The following TRARG1 variants were observed in gnomAD, a reference collection of about 807,000 sequenced individuals.
The protein encoded by TRARG1 is trafficking regulator of GLUT4 (SLC2A4) 1 (gene/pseudogene).
A neutral mutation model predicts 13.3 loss-of-function variants in TRARG1; 16 were observed. That is an observed-to-expected ratio of 1.20 (90% CI 0.81 to 1.83). The LOEUF is 1.83. Ranked by LOEUF, TRARG1 falls within the 40% of genes most tolerant of loss-of-function variation. The probability of loss-of-function intolerance (pLI) is 0.00; values close to 1 mark genes in which losing one functional copy is unlikely to be tolerated. For synonymous variants in TRARG1, 113 were observed against 106.2 expected, an observed-to-expected ratio of 1.06 and a Z score of -0.39; for missense variants, 250 against 237.4, an observed-to-expected ratio of 1.05 and a Z score of -0.35.
intron 1 of TRARG1, among the ~76,000 whole-genome samples, chr17:1,282,924 A>G (rs974402618): frequency 6.6e-6 from 1 of 151,600 alleles, no homozygotes; most frequent in East Asian, 1.9e-4. Flanking sequence ...TCCTGATCTC[A>G]GGTGATCCTC....
chr17:1,298,194 C>T (rs1227600604), intron 2 of TRARG1, 57 bp from the exon 3 acceptor site: 6 of 1,611,036 alleles, frequency 3.7e-6, no homozygotes, highest in African/African-American at 1.3e-5. Flanking sequence ...CAGTCAGGGA[C>T]TTGAAGAGCC....
At chr17:1,281,653 C>T (rs2071973232) in intron 1 of TRARG1, among the ~76,000 whole-genome samples, 2 of 152,134 alleles carry the variant, frequency 1.3e-5, no homozygotes, top group South Asian at 4.1e-4. Flanking sequence ...GCCTGCTGTA[C>T]CTGGGGACCG....
chr17:1,295,642 G>T lies in TRARG1; in HGVS notation c.520+19G>T, dbSNP rs780550240. ...TTCACAGGTGAGACCCAGCTCCTTGGAGAGGAGGAAGCCAGCTTGCCTGGT... is the reference window on the plus strand; with the variant it reads ...TTCACAGGTGAGACCCAGCTCCTTGTAGAGGAGGAAGCCAGCTTGCCTGGT... On this transcript the variant is annotated intron_variant, in intron 2 of 2. Coordinates refer to ENST00000333813, the MANE Select transcript of TRARG1 (RefSeq NM_172367.3). 1.2e-6 allele frequency: 2 copies of T among 1,602,766 alleles called. No individual in the cohort carries two copies. Among genetic ancestry groups the T allele is most frequent in the Admixed American group, 1.7e-5 (1 of 58,640 alleles).
rs55792385 is a variant in TRARG1, at chr17:1,293,283, C to CAAAAAA, written c.388-2193_388-2188dup. Among the ~76,000 whole-genome samples, 368 of 77,176 alleles carry CAAAAAA rather than the reference C, an allele frequency of 4.8e-3. 9 individuals carry two copies. The highest frequency in any genetic ancestry group is 0.019 in the African/African-American group (352 of 19,024). The allele number at this position is 77,176 out of a possible 152,430, so 50.6% of individuals were successfully genotyped here. A position where few individuals can be genotyped will look rare whatever the true frequency, so the allele number is the denominator to read the frequency against. ...TGGGCGACAGAGCAAGACTCTGTCTCAAAAAAAAAAAAAAAAAAAAGATAG... is the reference window on the plus strand; with the variant it reads ...TGGGCGACAGAGCAAGACTCTGTCTCAAAAAAAAAAAAAAAAAAAAAAAAAAGATAG... On this transcript the variant is annotated intron_variant, in intron 1 of 2. Coordinates refer to ENST00000333813, the MANE Select transcript of TRARG1 (RefSeq NM_172367.3).
At chr17:1,285,524 G>A in intron 1 of TRARG1, among the ~76,000 whole-genome samples, 1 of 151,964 alleles carries the variant, frequency 6.6e-6, no homozygotes, top group East Asian at 1.9e-4. Flanking sequence ...GGCCAACATG[G>A]TGAAACCTCA....
At chr17:1,295,878 C>T (rs1018208540) in intron 2 of TRARG1, among the ~76,000 whole-genome samples, 2 of 152,212 alleles carry the variant, frequency 1.3e-5, no homozygotes, top group Admixed American at 6.5e-5. Flanking sequence ...TGCACAGCCT[C>T]GGAGTCAGAG....
chr17:1,295,662 C>A, intron 2 of TRARG1, 39 bp downstream of exon 2: 3 of 1,589,554 alleles, frequency 1.9e-6, no homozygotes, highest in Non-Finnish European at 2.6e-6. Context: ...AGCCAGCTTG[C>A]CTGGTGTGAG....
intron 1 of TRARG1, among the ~76,000 whole-genome samples, chr17:1,287,697 G>C (rs1181725135): frequency 6.6e-6 from 1 of 151,730 alleles, no homozygotes; most frequent in African/African-American, 2.4e-5. Context: ...CTGTCACCCA[G>C]GCTGGAGTGC....
chr17:1,280,526 C>T (rs2071965954), intron 1 of TRARG1, 138 bp downstream of exon 1: 1 of 956,822 alleles, frequency 1.0e-6, no homozygotes, highest in Admixed American at 2.4e-5. Context: ...AGACTCCTTT[C>T]CTCACTGGCC....
At chr17:1,282,010 A>G (rs549456121) in intron 1 of TRARG1, among the ~76,000 whole-genome samples, 11 of 149,258 alleles carry the variant, frequency 7.4e-5, no homozygotes, top group East Asian at 3.9e-4. Flanking sequence ...ATATACACAT[A>G]TGTACATATA....
chr17:1,281,171 TTGGG>T, intron 1 of TRARG1, among the ~76,000 whole-genome samples: 1 of 152,292 alleles, frequency 6.6e-6, no homozygotes, highest in Non-Finnish European at 1.5e-5. Context: ...CCCAAGCCCT[TTGGG>T]TAGAGCTACT....
At chr17:1,282,276 G>A (rs62090201) in intron 1 of TRARG1, among the ~76,000 whole-genome samples, 43 of 68,492 alleles carry the variant, frequency 6.3e-4, no homozygotes, top group African/African-American at 2.9e-3. Context: ...ATATATGCAC[G>A]TATATGTACA....
Position 1,281,983 on chromosome 17 carries a change from TATGTAC to T in TRARG1, c.387+1598_387+1603del, listed in dbSNP as rs1165909129. ...GTACATATATGCACACGTGTACATATATGTACATATATACAGATATACACATATGTA... is the reference window on the plus strand; with the variant it reads ...GTACATATATGCACACGTGTACATATATATATACAGATATACACATATGTA... On this transcript the variant is annotated intron_variant, in intron 1 of 2. Coordinates refer to ENST00000333813, the MANE Select transcript of TRARG1 (RefSeq NM_172367.3). 9.4e-5 allele frequency among the ~76,000 whole-genome samples: 14 copies of T among 149,102 alleles called. No homozygotes were observed. The South Asian group carries it at 1.1e-3, about 12-fold the overall frequency.
chr17:1,289,440 C>CCCCATCCCCCACGGGT (rs2072054920), intron 1 of TRARG1, among the ~76,000 whole-genome samples: 1 of 121,544 alleles, frequency 8.2e-6, no homozygotes, highest in African/African-American at 3.2e-5. Flanking sequence ...CCCCCACGGG[C>CCCCATCCCCCACGGGT]TCCTCATCCC....
chr17:1,279,927 G>A lies in TRARG1; in HGVS notation c.-75G>A. The stretch of plus-strand genomic sequence containing the variant: ...CCTGGAGGCCCTCAGTCTGGGCTGG[G>A]GAATGGCGCGCTGAGGTCCCTCCAG... On this transcript the variant is annotated 5_prime_UTR_variant, in exon 1 of 3. Coordinates refer to ENST00000333813, the MANE Select transcript of TRARG1 (RefSeq NM_172367.3). 6.6e-7 allele frequency: 1 copy of A among 1,511,624 alleles called. No homozygotes were observed. The highest frequency in any genetic ancestry group is 8.9e-7 in the Non-Finnish European group (1 of 1,127,806). The allele number at this position is 1,511,624 out of a possible 1,614,324, so 93.6% of individuals were successfully genotyped here.
chr17:1,293,738 C>T (rs577432777), intron 1 of TRARG1, among the ~76,000 whole-genome samples: 6 of 152,000 alleles, frequency 3.9e-5, no homozygotes, highest in Non-Finnish European at 7.4e-5. Context: ...GATGATGTCA[C>T]GCTGTCCCAG....
At chr17:1,295,756 T>C in intron 2 of TRARG1, 133 bp downstream of exon 2, 1 of 1,032,478 alleles carries the variant, frequency 9.7e-7, no homozygotes, top group Non-Finnish European at 1.4e-6. Context: ...CCCGGCCTTA[T>C]CCTCCCAGTC....
intron 1 of TRARG1, among the ~76,000 whole-genome samples, chr17:1,284,923 A>C (rs1010075960): frequency 1.3e-5 from 2 of 151,384 alleles, no homozygotes; most frequent in Non-Finnish European, 2.9e-5. Flanking sequence ...CTCGTGATCC[A>C]CCCGCCTCGG....
At chr17:1,286,561 G>A (rs1180300965) in intron 1 of TRARG1, among the ~76,000 whole-genome samples, 2 of 93,386 alleles carry the variant, frequency 2.1e-5, no homozygotes, top group Non-Finnish European at 4.0e-5. Context: ...TCAGCCTGTG[G>A]GGTGTTGTCA....
Sources: gnomAD v4.1 joint callset for allele counts (sites outside exome capture counted in the v4.1 genomes callset) on GRCh38, gnomAD v4.1.1 for gene constraint, MANE v1.5 for transcripts, NCBI Gene and HGNC (gene_info 2026-07-23, HGNC 2026-07-21) for gene names.